ADCY5: variants seen among roughly 807,000 people sequenced by gnomAD.
ADCY5 encodes adenylate cyclase 5.
ADCY5 carries 30 observed loss-of-function variants against 119.7 expected under a neutral mutation model. That is an observed-to-expected ratio of 0.25 (90% CI 0.19 to 0.34). ADCY5 has a LOEUF of 0.34. ADCY5 is among the 10% of genes least tolerant of loss of function. The pLI is 1.00. For missense variants in ADCY5, 1,324 were observed against 1,775.2 expected, an observed-to-expected ratio of 0.75 and a Z score of 4.57; for synonymous variants, 753 against 762.2, an observed-to-expected ratio of 0.99 and a Z score of 0.20.
intron 1 of ADCY5, among the ~76,000 whole-genome samples, chr3:123,368,421 C>T (rs569707870): frequency 2.6e-5 from 4 of 152,300 alleles, no homozygotes; most frequent in African/African-American, 4.8e-5. Flanking sequence ...CATGGCGAAA[C>T]GCTGTCTCTA....
chr3:123,318,815 C>G (rs1221781866), intron 10 of ADCY5, among the ~76,000 whole-genome samples: 1 of 152,204 alleles, frequency 6.6e-6, no homozygotes, highest in African/African-American at 2.4e-5. Flanking sequence ...CAGGGTCTGA[C>G]TCCAGCTCTG....
At chr3:123,331,880 C>T (rs951200797) in intron 4 of ADCY5, among the ~76,000 whole-genome samples, 20 of 152,284 alleles carry the variant, frequency 1.3e-4, no homozygotes, top group Non-Finnish European at 2.4e-4. Flanking sequence ...CTGGCACTGA[C>T]GGCACCAGCC....
chr3:123,402,044 T>C (rs1036278266), intron 1 of ADCY5, among the ~76,000 whole-genome samples: 1 of 152,104 alleles, frequency 6.6e-6, no homozygotes, highest in Non-Finnish European at 1.5e-5. Context: ...CCAAGACCAG[T>C]GCTGGGCACC....
At chr3:123,391,726 C>A (rs1302066957) in intron 1 of ADCY5, among the ~76,000 whole-genome samples, 1 of 152,220 alleles carries the variant, frequency 6.6e-6, no homozygotes, top group Non-Finnish European at 1.5e-5. Context: ...CACAGGCAGG[C>A]CCTGCAACTT....
intron 1 of ADCY5, among the ~76,000 whole-genome samples, chr3:123,421,776 T>G (rs530612553): frequency 1.3e-5 from 2 of 152,298 alleles, no homozygotes; most frequent in South Asian, 4.1e-4. Flanking sequence ...TGCTATGCTA[T>G]AGTGGAAAGG....
intron 1 of ADCY5, among the ~76,000 whole-genome samples, chr3:123,421,601 C>G (rs1481452943): frequency 6.6e-6 from 1 of 152,080 alleles, no homozygotes; most frequent in Non-Finnish European, 1.5e-5. Context: ...CATTGTCACC[C>G]AAGGGTGGGT....
intron 1 of ADCY5, among the ~76,000 whole-genome samples, chr3:123,406,940 C>A (rs927153666): frequency 8.5e-5 from 13 of 152,198 alleles, no homozygotes; most frequent in African/African-American, 3.1e-4. Context: ...CTATGGGAAT[C>A]CAGGACCTTT....
rs1426560448 is a variant in ADCY5 at position 123,447,637 on chromosome 3, A to G, written c.909T>C (p.Tyr303=). ...CGGCCAGCACCACGGCGATGAGCGC[A>G]TAGCAGGCCAGGCCCATGTGGTCCT... ...FHQDHMGLAC[Y]ALIAVVLAVQ... The change falls in exon 1 of 21, where the codon TAT becomes TAC. Residue 303 remains tyrosine (Y), a synonymous_variant. Coordinates refer to ENST00000462833, the MANE Select transcript of ADCY5 (RefSeq NM_183357.3). 3.1e-6 allele frequency: 5 copies of G among 1,609,114 alleles called. No homozygotes were observed. The highest frequency in any genetic ancestry group is 2.2e-5 in the South Asian group (2 of 90,578).
chr3:123,397,269 A>G (rs981557601), intron 1 of ADCY5, among the ~76,000 whole-genome samples: 6 of 152,094 alleles, frequency 3.9e-5, no homozygotes, highest in African/African-American at 1.4e-4. Context: ...CTTCTGCCCC[A>G]CTTCAAGCAG....
At chr3:123,325,210 T>C in intron 8 of ADCY5, 112 bp downstream of exon 8, 3 of 1,390,190 alleles carry the variant, frequency 2.2e-6, no homozygotes, top group Non-Finnish European at 2.9e-6. Flanking sequence ...TTTGCTTGTG[T>C]GGCTCCCCAG....
At chr3:123,385,218 CCACACATTCACACTG>C (rs1294088078) in intron 1 of ADCY5, among the ~76,000 whole-genome samples, 3 of 152,052 alleles carry the variant, frequency 2.0e-5, no homozygotes, top group African/African-American at 4.8e-5. Context: ...GGAGCCAGAA[CCACACATTCACACTG>C]CAGGGGAAAG....
At chr3:123,317,120 T>TA (rs1259934686) in intron 11 of ADCY5, among the ~76,000 whole-genome samples, 1 of 152,154 alleles carries the variant, frequency 6.6e-6, no homozygotes, top group Non-Finnish European at 1.5e-5. Flanking sequence ...AGCGAGACTC[T>TA]AATGTGAATG....
intron 1 of ADCY5, among the ~76,000 whole-genome samples, chr3:123,430,107 C>T (rs1295397329): frequency 6.6e-6 from 1 of 152,228 alleles, no homozygotes; most frequent in Non-Finnish European, 1.5e-5. Context: ...TCTTCCTGCT[C>T]CACAAAGGAA....
chr3:123,364,231 A>G (rs551049270), intron 1 of ADCY5, among the ~76,000 whole-genome samples: 1 of 152,384 alleles, frequency 6.6e-6, no homozygotes, highest in Non-Finnish European at 1.5e-5. Context: ...ATAAACTTAC[A>G]TAAAGAAAGA....
chr3:123,405,796 G>T (rs554049351), intron 1 of ADCY5, among the ~76,000 whole-genome samples: 1 of 152,192 alleles, frequency 6.6e-6, no homozygotes, highest in Non-Finnish European at 1.5e-5. Flanking sequence ...CACCAGGCCG[G>T]GCTGGTTTTT....
intron 10 of ADCY5, among the ~76,000 whole-genome samples, chr3:123,318,800 T>C (rs779988422): frequency 6.6e-6 from 1 of 152,222 alleles, no homozygotes; most frequent in Non-Finnish European, 1.5e-5. Context: ...GAGAACTGAC[T>C]GGACCAGGGT....
chr3:123,316,887 T>A (rs1260397129), intron 11 of ADCY5, among the ~76,000 whole-genome samples: 1 of 152,104 alleles, frequency 6.6e-6, no homozygotes, highest in Non-Finnish European at 1.5e-5. Flanking sequence ...AAAATCAGAA[T>A]AAAAATAGAT....
intron 1 of ADCY5, among the ~76,000 whole-genome samples, chr3:123,389,779 G>C (rs148644195): frequency 1.3e-5 from 2 of 152,304 alleles, no homozygotes; most frequent in East Asian, 1.9e-4. Flanking sequence ...GCTCTGAATA[G>C]GACAAACTCC....
At chr3:123,344,830 G>T (rs1029931029) in intron 3 of ADCY5, among the ~76,000 whole-genome samples, 1 of 152,156 alleles carries the variant, frequency 6.6e-6, no homozygotes, top group Non-Finnish European at 1.5e-5. Flanking sequence ...AGAGGCCCCA[G>T]AGGGACATTT....
Sources: gnomAD v4.1 joint callset for allele counts (sites outside exome capture counted in the v4.1 genomes callset) on GRCh38, gnomAD v4.1.1 for gene constraint, MANE v1.5 for transcripts, NCBI Gene and HGNC (gene_info 2026-07-23, HGNC 2026-07-21) for gene names.